HBS1L: variants seen among roughly 807,000 people sequenced by gnomAD.
HBS1L encodes HBS1 like translational GTPase, also known as HBS1-like protein.
In HBS1L, 55 loss-of-function variants were observed where a neutral mutation model predicts 88.9. The observed-to-expected ratio is 0.62, with a 90% confidence interval of 0.50 to 0.77. The LOEUF is 0.77. Among genes scored for constraint, HBS1L ranks in the 30% least tolerant of loss-of-function variants. The pLI, the probability that HBS1L is intolerant of heterozygous loss-of-function variation, is 0.00. For missense variants in HBS1L, 741 were observed against 829.3 expected, an observed-to-expected ratio of 0.89 and a Z score of 1.31; for synonymous variants, 267 against 288.5, an observed-to-expected ratio of 0.93 and a Z score of 0.76.
chr6:134,961,480 G>A lies in HBS1L; in HGVS notation c.*3799C>T, dbSNP rs1010601093. On this transcript the variant is annotated 3_prime_UTR_variant, in exon 18 of 18. Transcript: ENST00000367837. ...ACATCAGATGAGGTCACTGTAATCC[G>A]GATAAAATGAGATACTGTAATCATG... 3.9e-5 allele frequency: 6 copies of A among 152,048 alleles called. No homozygotes were observed. The highest frequency in any genetic ancestry group is 9.7e-5 in the African/African-American group (4 of 41,376). 9.4% of individuals were successfully genotyped at this position (152,048 alleles called of 1,614,324 possible). A position where few individuals can be genotyped will look rare whatever the true frequency, so the allele number is the denominator to read the frequency against.
chr6:135,034,146 T>TAA (rs543362165), intron 4 of HBS1L, among the ~76,000 whole-genome samples: 1 of 144,424 alleles, frequency 6.9e-6, no homozygotes, highest in African/African-American at 2.5e-5. Context: ...GTGTTTGGTT[T>TAA]AAAAAAAAAA....
chr6:135,044,533 A>T (rs1267208013), intron 2 of HBS1L, among the ~76,000 whole-genome samples: 1 of 152,240 alleles, frequency 6.6e-6, no homozygotes, highest in Admixed American at 6.5e-5. Flanking sequence ...TTCACATTAC[A>T]AATCTCAGAA....
At chr6:134,995,641 A>G (rs1472430248) in intron 7 of HBS1L, among the ~76,000 whole-genome samples, 4 of 151,526 alleles carry the variant, frequency 2.6e-5, no homozygotes, top group African/African-American at 7.3e-5. Context: ...CTTACTAGAT[A>G]ATGCAAAGAA....
At chr6:134,996,725 T>C (rs921687036) in intron 7 of HBS1L, 52 bp downstream of exon 7, 1 of 1,338,988 alleles carries the variant, frequency 7.5e-7, no homozygotes, top group Non-Finnish European at 1.0e-6. Context: ...TACACACTTA[T>C]TTTAGAAGAC....
chr6:134,998,704 G>C (rs1202472972), intron 5 of HBS1L, among the ~76,000 whole-genome samples: 3 of 152,114 alleles, frequency 2.0e-5, no homozygotes, highest in Non-Finnish European at 4.4e-5. Flanking sequence ...GTTTTTCCCT[G>C]TCAGGGCATT....
Position 135,042,074 on chromosome 6 carries a change from T to C in HBS1L, c.162A>G (p.Glu54=). 1 of 1,613,228 alleles carries C rather than the reference T, an allele frequency of 6.2e-7. No homozygotes were observed. Among genetic ancestry groups the C allele is most frequent in the Non-Finnish European group, 8.5e-7 (1 of 1,179,462 alleles). Residue 54 remains glutamate (E), a synonymous_variant, in exon 3 of 18, where the codon GAA becomes GAG. Coordinates refer to ENST00000367837, the MANE Select transcript of HBS1L (RefSeq NM_006620.4). Reference sequence around the variant, plus strand: ...CTTTCAGATCTTCATAATCATATTCTTCCACAGGCTCAACGGAAGGTTTGT... The same window carrying C: ...CTTTCAGATCTTCATAATCATATTCCTCCACAGGCTCAACGGAAGGTTTGT... ...RRDKPSVEPV[E]EYDYEDLKES...
At chr6:135,014,878 C>CA (rs1775877408) in intron 4 of HBS1L, among the ~76,000 whole-genome samples, 1 of 130,566 alleles carries the variant, frequency 7.7e-6, no homozygotes, top group African/African-American at 2.9e-5. Context: ...AAAAAAACCA[C>CA]AAAAAAATTA....
At chr6:134,981,258 T>C (rs1774823867) in intron 13 of HBS1L, among the ~76,000 whole-genome samples, 1 of 151,986 alleles carries the variant, frequency 6.6e-6, no homozygotes, top group Non-Finnish European at 1.5e-5. Flanking sequence ...ATAGCTCTTG[T>C]CACTTTAAAA....
At position 135,031,812 on chromosome 6, in the gene HBS1L, C is replaced by T. The variant is rs148671091; in HGVS notation, c.430+7761G>A. On this transcript the variant is annotated intron_variant, in intron 4 of 17. Transcript: ENST00000367837. ...GGCATGTCAATGTCGGAAATAAATA[C>T]GCATTTTATCAGTTTTGTTTTTTCT... Among the ~76,000 whole-genome samples, 46 of 151,750 alleles carry T rather than the reference C, an allele frequency of 3.0e-4. No homozygotes were observed. The East Asian group carries it at 4.8e-3, about 16-fold the overall frequency.
rs144959186 is a variant in HBS1L, at chr6:135,043,249, A to T, written c.110-1123T>A. Among the ~76,000 whole-genome samples, 1,277 of 152,352 alleles carry T rather than the reference A, an allele frequency of 8.4e-3. 10 individuals are homozygous for T. The highest frequency in any genetic ancestry group is 0.013 in the Non-Finnish European group (910 of 68,030). On this transcript the variant is annotated intron_variant, in intron 2 of 17. Coordinates refer to ENST00000367837, the MANE Select transcript of HBS1L (RefSeq NM_006620.4). ...GTTCAATTGTAAAGGAACAAAATTA[A>T]AGAATATGTTAAGAAGGACAGAAAT... is the stretch of plus-strand genomic sequence containing the variant.
chr6:134,969,394 T>C, intron 15 of HBS1L, 56 bp from the exon 16 acceptor site: 6 of 1,075,216 alleles, frequency 5.6e-6, no homozygotes, highest in Non-Finnish European at 8.6e-6. Context: ...TCTGGCCTTT[T>C]CTTTTGGCAC....
intron 13 of HBS1L, among the ~76,000 whole-genome samples, chr6:134,979,693 T>G (rs1774764747): frequency 6.6e-6 from 1 of 152,066 alleles, no homozygotes; most frequent in Non-Finnish European, 1.5e-5. Flanking sequence ...TCTCGAGTTT[T>G]GCTTTTAATT....
intron 4 of HBS1L, among the ~76,000 whole-genome samples, chr6:135,016,218 C>T (rs1015731402): frequency 3.3e-5 from 5 of 152,210 alleles, no homozygotes; most frequent in Non-Finnish European, 5.9e-5. Context: ...GTCCAGATCA[C>T]GATTTTGTGA....
chr6:135,044,369 C>T (rs1776844254), intron 2 of HBS1L, among the ~76,000 whole-genome samples: 1 of 152,022 alleles, frequency 6.6e-6, no homozygotes, highest in Admixed American at 6.6e-5. Flanking sequence ...TTTAAGAATG[C>T]ACGTTATGTT....
chr6:134,975,570 T>C (rs757394669), intron 15 of HBS1L, among the ~76,000 whole-genome samples: 2 of 152,102 alleles, frequency 1.3e-5, no homozygotes, highest in Non-Finnish European at 2.9e-5. Context: ...CATAGACCAA[T>C]GCAACAGAAT....
Position 134,997,537 on chromosome 6 carries a change from T to A in HBS1L, c.659A>T (p.His220Leu), listed in dbSNP as rs766459597. 6.2e-7 allele frequency: 1 copy of A among 1,614,034 alleles called. No individual in the cohort carries two copies. The highest frequency in any genetic ancestry group is 1.1e-5 in the South Asian group (1 of 91,072). ...CTGCTCTTCTGATGCTTGAATCGTG[T>A]GGGGTGGATTAGCAGATTTAGAAGC... Reference protein sequence around the residue: ...ETASKSANPPHTIQASEEQSS... With the variant: ...ETASKSANPPLTIQASEEQSS... Residue 220 changes from histidine (H) to leucine (L), a missense_variant, in exon 6 of 18, where the codon CAC becomes CTC. Around this residue, in one of 3 missense-constraint regions of HBS1L, gnomAD observed 556 missense variants for 598.4 expected, o/e 0.93. Transcript: ENST00000367837.
At chr6:134,981,095 G>A (rs975985248) in intron 13 of HBS1L, among the ~76,000 whole-genome samples, 4 of 151,914 alleles carry the variant, frequency 2.6e-5, no homozygotes, top group African/African-American at 9.7e-5. Flanking sequence ...TTTCAGAGAT[G>A]ACTAAGGATT....
At chr6:135,021,774 T>C (rs1388944738) in intron 4 of HBS1L, among the ~76,000 whole-genome samples, 4 of 152,182 alleles carry the variant, frequency 2.6e-5, no homozygotes, top group African/African-American at 9.7e-5. Flanking sequence ...ACTGGCTTCT[T>C]AACACCTACG....
intron 13 of HBS1L, 60 bp from the exon 14 acceptor site, chr6:134,979,328 C>T (rs1208911079): frequency 1.6e-6 from 2 of 1,262,922 alleles, no homozygotes; most frequent in African/African-American, 1.5e-5. Flanking sequence ...ACCATAACAA[C>T]CAACAGAGTT....
Sources: allele counts gnomAD v4.1 joint callset (sites outside exome capture counted in the v4.1 genomes callset), GRCh38; gene constraint gnomAD v4.1.1; regional missense constraint gnomAD v4.1.1; transcripts MANE v1.5; gene names NCBI Gene and HGNC (gene_info 2026-07-23, HGNC 2026-07-21).